The following TMEM117 variants were observed in gnomAD, a reference collection of about 807,000 sequenced individuals.
TMEM117 encodes the protein transmembrane protein 117.
In TMEM117, 27 loss-of-function variants were observed where a neutral mutation model predicts 52.4. The ratio of observed to expected loss-of-function variants is 0.51; its 90% CI spans 0.38 to 0.71. The LOEUF is 0.71. Among genes scored for constraint, TMEM117 ranks in the 30% least tolerant of loss-of-function variants. The probability of loss-of-function intolerance (pLI) is 0.00; values close to 1 mark genes in which losing one functional copy is unlikely to be tolerated. For missense variants in TMEM117, 556 were observed against 630.5 expected, an observed-to-expected ratio of 0.88 and a Z score of 1.26; for synonymous variants, 215 against 206.3, an observed-to-expected ratio of 1.04 and a Z score of -0.36.
chr12:43,799,411 A>G, the TMEM117 span: 3 of 1,605,122 alleles, frequency 1.9e-6, no homozygotes, highest in South Asian at 2.2e-5. Flanking sequence ...ATTGATTTTA[A>G]TCTGTCGTAG....
At chr12:43,953,320 A>G (rs1001735419) in intron 3 of TMEM117, among the ~76,000 whole-genome samples, 5 of 152,196 alleles carry the variant, frequency 3.3e-5, no homozygotes, top group African/African-American at 1.2e-4. Context: ...TGAAATGTAA[A>G]TAGGCTAAAT....
chr12:43,813,624 A>T, the TMEM117 span, among the ~76,000 whole-genome samples: 1 of 151,950 alleles, frequency 6.6e-6, no homozygotes, highest in Non-Finnish European at 1.5e-5. Context: ...ACAGTGTGCC[A>T]GCCTACATGA....
At chr12:44,004,654 ACCTCTTT>A (rs1176280055) in intron 3 of TMEM117, among the ~76,000 whole-genome samples, 2 of 151,798 alleles carry the variant, frequency 1.3e-5, no homozygotes, top group African/African-American at 4.8e-5. Flanking sequence ...TTATATGATC[ACCTCTTT>A]CCTCTTTCAT....
At chr12:44,207,112 A>G (rs991834359) in intron 4 of TMEM117, among the ~76,000 whole-genome samples, 8 of 152,158 alleles carry the variant, frequency 5.3e-5, no homozygotes, top group Non-Finnish European at 2.9e-5. Flanking sequence ...ATAAAATTTT[A>G]TCTATTATGT....
chr12:43,849,630 C>CT (rs1555177231), intron 2 of TMEM117, among the ~76,000 whole-genome samples: 81 of 148,896 alleles, frequency 5.4e-4, no homozygotes, highest in Middle Eastern at 3.5e-3. Flanking sequence ...TTCTCTCTCT[C>CT]TTTTTTTTTT....
At chr12:44,152,274 A>C (rs1388298292) in intron 4 of TMEM117, among the ~76,000 whole-genome samples, 3 of 106,118 alleles carry the variant, frequency 2.8e-5, no homozygotes, top group Non-Finnish European at 4.9e-5. Flanking sequence ...AATCATATTT[A>C]TATTATATAT....
chr12:44,011,496 C>CA (rs1199126546), intron 3 of TMEM117, among the ~76,000 whole-genome samples: 1 of 152,108 alleles, frequency 6.6e-6, no homozygotes, highest in Non-Finnish European at 1.5e-5. Flanking sequence ...TGCCTGCTCC[C>CA]ATCCATGTAA....
intron 2 of TMEM117, among the ~76,000 whole-genome samples, chr12:43,894,990 G>C (rs1478169887): frequency 6.6e-6 from 1 of 152,034 alleles, no homozygotes; most frequent in African/African-American, 2.4e-5. Context: ...TGAACATTTT[G>C]CTTTTTTTAA....
chr12:44,240,252 T>G lies in TMEM117; in HGVS notation c.608+28865T>G, dbSNP rs550360550. Reference sequence around the variant, plus strand: ...TAATTTATGGGTCACAGTAGATGCTTGAAATCCAGTTTGAATCTTCACATT... The same window carrying G: ...TAATTTATGGGTCACAGTAGATGCTGGAAATCCAGTTTGAATCTTCACATT... On this transcript the variant is annotated intron_variant, in intron 5 of 7. Transcript: ENST00000266534. 3.3e-5 allele frequency among the ~76,000 whole-genome samples: 5 copies of G among 152,292 alleles called. No homozygotes were observed. The South Asian group carries it at 8.3e-4, about 25-fold the overall frequency.
At chr12:44,392,364 G>A (rs1489592972), downstream of TMEM117, among the ~76,000 whole-genome samples, 1 of 152,054 alleles carries the variant, frequency 6.6e-6, no homozygotes. Context: ...TGCAGGGAGA[G>A]AATAGCCTCT....
chr12:43,958,811 G>T lies in TMEM117; in HGVS notation c.410+14469G>T, dbSNP rs188929980. Among the ~76,000 whole-genome samples, 450 of 151,034 alleles carry T rather than the reference G, an allele frequency of 3.0e-3. 5 individuals carry two copies. Among genetic ancestry groups the T allele is most frequent in the African/African-American group, 0.01 (422 of 41,190 alleles). On this transcript the variant is annotated intron_variant, in intron 3 of 7. Transcript: ENST00000266534. ...GCATGGTTTCTTTTTTTGTTAGTTT[G>T]TTTGTTTGTTTTTGAGACAGAGTCT...
chr12:44,069,293 G>A (rs1024999600), intron 3 of TMEM117, among the ~76,000 whole-genome samples: 1 of 152,096 alleles, frequency 6.6e-6, no homozygotes, highest in South Asian at 2.1e-4. Context: ...TAATTAAAAA[G>A]GTTATAGACT....
intron 3 of TMEM117, among the ~76,000 whole-genome samples, chr12:43,963,761 A>G (rs192910771): frequency 6.3e-4 from 96 of 152,342 alleles, no homozygotes; most frequent in Non-Finnish European, 1.1e-3. Context: ...ATTTGTGGTA[A>G]TAGTCTAAAC....
chr12:44,294,784 A>G (rs1950746742), intron 5 of TMEM117, among the ~76,000 whole-genome samples: 1 of 152,234 alleles, frequency 6.6e-6, no homozygotes, highest in Non-Finnish European at 1.5e-5. Context: ...TATCCTGGAA[A>G]AAGGGATAAT....
intron 5 of TMEM117, among the ~76,000 whole-genome samples, chr12:44,261,361 T>C (rs1054837816): frequency 6.6e-6 from 1 of 152,332 alleles, no homozygotes; most frequent in East Asian, 1.9e-4. Context: ...TGTTCTCACG[T>C]GCTATCTGAT....
rs1239263102 is a variant in TMEM117, at chr12:44,376,717, C to T, written c.891C>T (p.His297=). 5 of 1,606,238 alleles carry T rather than the reference C, an allele frequency of 3.1e-6. No homozygotes were observed. Among genetic ancestry groups the T allele is most frequent in the East Asian group, 4.5e-5 (2 of 44,732 alleles). Residue 297 remains histidine (H), a synonymous_variant, in exon 7 of 8, where the codon CAC becomes CAT. Transcript: ENST00000266534. ...TCTTCAAGGAGGAATATCGTATTCA[C>T]ATAACAGGTGTGTTATATCTTTGAA... ...QKIFKEEYRI[H]ITGKWFNYGI... is the part of the protein sequence containing the mutation.
chr12:44,305,238 G>A (rs1259538285), intron 6 of TMEM117, among the ~76,000 whole-genome samples: 1 of 122,346 alleles, frequency 8.2e-6, no homozygotes, highest in East Asian at 2.4e-4. Flanking sequence ...TCTTGACATT[G>A]GCTTTGGCAA....
At chr12:44,224,011 C>T (rs1949825898) in intron 5 of TMEM117, among the ~76,000 whole-genome samples, 1 of 152,066 alleles carries the variant, frequency 6.6e-6, no homozygotes, top group African/African-American at 2.4e-5. Flanking sequence ...TTTTACTGTA[C>T]TCTCCTTTTT....
chr12:43,912,608 A>G (rs1014333848), intron 2 of TMEM117, among the ~76,000 whole-genome samples: 12 of 149,380 alleles, frequency 8.0e-5, no homozygotes, highest in South Asian at 6.3e-4. Context: ...TGGCACTTTT[A>G]AGAGTGCCTG....
Sources: gnomAD v4.1 joint callset for allele counts (sites outside exome capture counted in the v4.1 genomes callset) on GRCh38, gnomAD v4.1.1 for gene constraint, MANE v1.5 for transcripts, NCBI Gene and HGNC (gene_info 2026-07-23, HGNC 2026-07-21) for gene names.